Variants in HDGFL3 observed in about 807,000 individuals in gnomAD.
HDGFL3 encodes hepatoma-derived growth factor-related protein 3.
In HDGFL3, 6 loss-of-function variants were observed where a neutral mutation model predicts 27.6. The observed-to-expected ratio is 0.22, with a 90% confidence interval of 0.12 to 0.43. The LOEUF is 0.43. HDGFL3 is among the 20% of genes least tolerant of loss of function. The pLI is 1.00. For synonymous variants in HDGFL3, 88 were observed against 88.9 expected (o/e 0.99, Z 0.05); for missense variants, 207 against 250.1 (o/e 0.83, Z 1.16).
chr15:83,127,413 T>A (rs1333275299), downstream of HDGFL3: 1 of 1,614,078 alleles, frequency 6.2e-7, no homozygotes, highest in East Asian at 2.2e-5. Context: ...CTGTATGGCT[T>A]AGTGGTTCCT....
chr15:83,157,290 T>C, intron 4 of HDGFL3, 125 bp downstream of exon 4: 2 of 963,018 alleles, frequency 2.1e-6, no homozygotes, highest in East Asian at 2.6e-5. Context: ...ATTTTGTCCC[T>C]AAAGGCAGAG....
chr15:83,199,061 C>A (rs1375878377), intron 1 of HDGFL3, among the ~76,000 whole-genome samples: 1 of 152,202 alleles, frequency 6.6e-6, no homozygotes, highest in African/African-American at 2.4e-5. Context: ...AACAACAACT[C>A]ATTTCCAAAG....
intron 1 of HDGFL3, among the ~76,000 whole-genome samples, chr15:83,195,489 A>G (rs1340651577): frequency 6.6e-6 from 1 of 152,112 alleles, no homozygotes; most frequent in East Asian, 1.9e-4. Context: ...CTCTATGTAC[A>G]TGTTTCTGTT....
intron 3 of HDGFL3, chr15:83,116,038 A>T: frequency 1.0e-6 from 1 of 959,216 alleles, no homozygotes. Context: ...TAGTGTGAAC[A>T]GGTACGCTAC....
intron 1 of HDGFL3, among the ~76,000 whole-genome samples, chr15:83,175,093 A>G (rs1023817160): frequency 6.6e-6 from 1 of 152,236 alleles, no homozygotes; most frequent in Non-Finnish European, 1.5e-5. Context: ...AAGATGGTCA[A>G]CCATAGTTGC....
intron 1 of HDGFL3, among the ~76,000 whole-genome samples, chr15:83,181,820 C>T (rs1293662231): frequency 6.6e-6 from 1 of 152,042 alleles, no homozygotes; most frequent in Non-Finnish European, 1.5e-5. Flanking sequence ...TGGCTTATTC[C>T]CCCAACGCTG....
downstream of HDGFL3, chr15:83,124,925 C>A: frequency 1.5e-6 from 1 of 662,186 alleles, no homozygotes; most frequent in Non-Finnish European, 2.5e-6. Context: ...GAGCCCTGGA[C>A]CTGCTTCCTG....
chr15:83,202,362 C>A (rs973964361), intron 1 of HDGFL3, among the ~76,000 whole-genome samples: 15 of 151,838 alleles, frequency 9.9e-5, no homozygotes, highest in African/African-American at 3.4e-4. Flanking sequence ...AAAGCTAGAT[C>A]AAAAATATGA....
intron 1 of HDGFL3, among the ~76,000 whole-genome samples, chr15:83,206,828 G>T (rs1285413693): frequency 6.6e-6 from 1 of 152,226 alleles, no homozygotes; most frequent in Admixed American, 6.5e-5. Context: ...CAAAGAGATG[G>T]ATGAATGACT....
chr15:83,169,107 G>C (rs2151408739), intron 1 of HDGFL3: 6 of 274,526 alleles, frequency 2.2e-5, no homozygotes, highest in South Asian at 2.0e-4. Flanking sequence ...AGGTATTGAA[G>C]GAACATATCT....
chr15:83,200,044 CAAA>C (rs796608256), intron 1 of HDGFL3, among the ~76,000 whole-genome samples: 6 of 83,744 alleles, frequency 7.2e-5, no homozygotes, highest in Non-Finnish European at 4.7e-5. Flanking sequence ...AACTCCATCT[CAAA>C]AAAAAAAAAA....
chr15:83,113,627 A>C (rs2034394137), exon 4 of HDGFL3: 1 of 152,470 alleles, frequency 6.6e-6, no homozygotes, highest in Non-Finnish European at 1.5e-5. Flanking sequence ...TACAGCAACA[A>C]ACATTTATTT....
At position 83,187,046 on chromosome 15, in the gene HDGFL3, G is replaced by A. The variant is rs572868411; in HGVS notation, c.84+20285C>T. 3.2e-4 allele frequency among the ~76,000 whole-genome samples: 49 copies of A among 151,760 alleles called. 1 individual carries two copies. The East Asian group carries it at 9.3e-3, about 29-fold the overall frequency. ...ATTAGCATTTTACTTTAAAAAATTAGTTATACTTTAGGATTCTCATTTTGG... is the reference window on the plus strand; with the variant it reads ...ATTAGCATTTTACTTTAAAAAATTAATTATACTTTAGGATTCTCATTTTGG... On this transcript the variant is annotated intron_variant, in intron 1 of 5. Transcript: ENST00000299633.
Position 83,136,762 on chromosome 15 carries a change from G to GT in HDGFL3, c.*2507dup. On this transcript the variant is annotated 3_prime_UTR_variant, in exon 6 of 6. Coordinates refer to ENST00000299633, the MANE Select transcript of HDGFL3 (RefSeq NM_016073.4). ...GTCCCATTTCACTCTCTTCTCATAC[G>GT]TGAGTACTTAAGAATATGTACATTC... 9.2e-7 allele frequency: 1 copy of GT among 1,081,112 alleles called. No individual in the cohort carries two copies. The highest frequency in any genetic ancestry group is 1.3e-6 in the Non-Finnish European group (1 of 746,862). The allele number at this position is 1,081,112 out of a possible 1,614,324, so 67.0% of individuals were successfully genotyped here.
In HDGFL3 at chr15:83,201,185, GT is replaced by G. The variant is rs59994589; in HGVS notation, c.84+6145del. Among the ~76,000 whole-genome samples, 319 of 147,642 alleles carry G rather than the reference GT, an allele frequency of 2.2e-3. 3 individuals carry two copies. The highest frequency in any genetic ancestry group is 3.2e-3 in the Non-Finnish European group (215 of 66,582). On this transcript the variant is annotated intron_variant, in intron 1 of 5. Transcript: ENST00000299633. ...CTACTCTACCTAGAGTGAATGACTAGTTTTTTTTTTTAAAGTTCTAATGAGT... is the reference window on the plus strand; with the variant it reads ...CTACTCTACCTAGAGTGAATGACTAGTTTTTTTTTTAAAGTTCTAATGAGT...
At chr15:83,126,914 T>A (rs1374546848), downstream of HDGFL3, 2 of 1,282,382 alleles carry the variant, frequency 1.6e-6, no homozygotes, top group Admixed American at 3.7e-5. Flanking sequence ...GGGTCCCAGC[T>A]GGGTGCGGTG....
intron 5 of HDGFL3, 121 bp from the exon 6 acceptor site, chr15:83,139,396 A>G (rs766349622): frequency 2.0e-6 from 1 of 493,784 alleles, no homozygotes; most frequent in Non-Finnish European, 3.5e-6. Context: ...TATGCACTGC[A>G]GCATTAACAA....
chr15:83,185,334 A>G (rs958460490), intron 1 of HDGFL3, among the ~76,000 whole-genome samples: 5 of 152,172 alleles, frequency 3.3e-5, no homozygotes, highest in South Asian at 2.1e-4. Context: ...AGAGCTTAAG[A>G]TAAGTCTTCA....
chr15:83,169,074 A>G (rs2037208990), intron 1 of HDGFL3: 1 of 182,124 alleles, frequency 5.5e-6, no homozygotes, highest in African/African-American at 2.4e-5. Flanking sequence ...AAATCCCTTC[A>G]TGATCAAAAC....
Sources: gnomAD v4.1 joint callset for allele counts (sites outside exome capture counted in the v4.1 genomes callset) on GRCh38, gnomAD v4.1.1 for gene constraint, MANE v1.5 for transcripts, NCBI Gene and HGNC (gene_info 2026-07-23, HGNC 2026-07-21) for gene names.